HBS1L: variants seen among roughly 807,000 people sequenced by gnomAD.
HBS1L encodes HBS1-like protein.
A neutral mutation model predicts 88.9 loss-of-function variants in HBS1L; 55 were observed. That is an observed-to-expected ratio of 0.62 (90% CI 0.50 to 0.77). HBS1L has a LOEUF of 0.77. Among genes scored for constraint, HBS1L ranks in the 30% least tolerant of loss-of-function variants. The pLI, the probability that HBS1L is intolerant of heterozygous loss-of-function variation, is 0.00. For synonymous variants in HBS1L, 267 were observed against 288.5 expected, an observed-to-expected ratio of 0.93 and a Z score of 0.76; for missense variants, 741 against 829.3, an observed-to-expected ratio of 0.89 and a Z score of 1.31.
At chr6:135,027,211 A>AAAAAAG (rs1562304932) in intron 4 of HBS1L, 4 of 130,404 alleles carry the variant, frequency 3.1e-5, no homozygotes, top group Admixed American at 1.5e-4. Context: ...AAAAAAAAAA[A>AAAAAAG]AAAAAGAAAA....
At chr6:134,987,931 C>T in intron 8 of HBS1L, 140 bp from the exon 9 acceptor site, 2 of 576,192 alleles carry the variant, frequency 3.5e-6, no homozygotes, top group Non-Finnish European at 5.4e-6. Context: ...AAACAAAAGA[C>T]TCCCAAAGAT....
intron 4 of HBS1L, among the ~76,000 whole-genome samples, chr6:135,012,031 G>A (rs1775790450): frequency 1.3e-5 from 2 of 151,636 alleles, no homozygotes; most frequent in South Asian, 4.2e-4. Context: ...AGAGGAAAGG[G>A]GAAAAAAAAA....
chr6:134,997,311 G>A lies in HBS1L; in HGVS notation c.799+86C>T, dbSNP rs982646628. On this transcript the variant is annotated intron_variant, in intron 6 of 17. Coordinates refer to ENST00000367837, the MANE Select transcript of HBS1L (RefSeq NM_006620.4). ...GCTCTCTGTCCATTCCACCCATGGA[G>A]AAACTCAGAGTTTCCATGCTGCCTC... 7.3e-6 allele frequency: 11 copies of A among 1,505,930 alleles called. No individual in the cohort carries two copies. The African/African-American group carries it at 1.2e-4, about 17-fold the overall frequency. 93.3% of individuals were successfully genotyped at this position (1,505,930 alleles called of 1,614,324 possible).
At chr6:135,004,496 T>C (rs1775554518) in intron 4 of HBS1L, among the ~76,000 whole-genome samples, 2 of 134,070 alleles carry the variant, frequency 1.5e-5, no homozygotes, top group Non-Finnish European at 3.3e-5. Context: ...GGAAGCACAG[T>C]TCTTCAGAGG....
intron 4 of HBS1L, among the ~76,000 whole-genome samples, chr6:135,012,416 T>C (rs188989469): frequency 9.2e-5 from 14 of 152,340 alleles, no homozygotes; most frequent in Admixed American, 2.0e-4. Flanking sequence ...AATTCAAACT[T>C]TATATACTTC....
chr6:134,991,834 C>G (rs906969114), intron 8 of HBS1L, among the ~76,000 whole-genome samples: 1 of 152,102 alleles, frequency 6.6e-6, no homozygotes, highest in Non-Finnish European at 1.5e-5. Context: ...CTTTGGGAGG[C>G]TGAGGTGGGG....
intron 15 of HBS1L, among the ~76,000 whole-genome samples, chr6:134,973,548 C>A (rs1450070140): frequency 1.1e-4 from 17 of 152,146 alleles, no homozygotes; most frequent in Non-Finnish European, 2.4e-4. Context: ...GGCGCAGTGG[C>A]TCAATGCCTA....
chr6:135,048,295 T>C (rs1213986115), intron 2 of HBS1L, among the ~76,000 whole-genome samples: 1 of 152,164 alleles, frequency 6.6e-6, no homozygotes, highest in Non-Finnish European at 1.5e-5. Context: ...TTTCCAAAAC[T>C]CCCAGAACCA....
intron 4 of HBS1L, among the ~76,000 whole-genome samples, chr6:135,039,317 C>CA (rs1301090076): frequency 6.6e-6 from 1 of 151,618 alleles, no homozygotes; most frequent in Non-Finnish European, 1.5e-5. Flanking sequence ...GACTCTGTCT[C>CA]AAAAAACAAA....
chr6:135,041,965 A>G (rs767524718), intron 3 of HBS1L, 36 bp downstream of exon 3: 2 of 1,595,474 alleles, frequency 1.3e-6, no homozygotes, highest in African/African-American at 1.3e-5. Flanking sequence ...GTCATTAATC[A>G]CTTTCAGATA....
In HBS1L at chr6:134,997,589, T is replaced by C. The variant is rs771663188; in HGVS notation, c.607A>G (p.Ile203Val). ...GTCTCAAGAACATCGGAAGAAGCAA[T>C]GGCATCTTCAATGGGCGGTCCTTTT... ...PQKGPPIEDA[I>V]ASSDVLETAS... The change falls in exon 6 of 18, where the codon ATT becomes GTT. Residue 203 changes from isoleucine to valine, a missense_variant. Transcript: ENST00000367837. The C allele has an allele frequency of 1.9e-6, 3 of 1,613,968 alleles. No individual in the cohort carries two copies. The highest frequency in any genetic ancestry group is 1.1e-5 in the South Asian group (1 of 91,072).
At chr6:135,037,626 T>C (rs1330947615) in intron 4 of HBS1L, 1 of 1,548,842 alleles carries the variant, frequency 6.5e-7, no homozygotes, top group Admixed American at 2.0e-5. Flanking sequence ...TTTCTTTGAA[T>C]GCAGAATCAT....
intron 4 of HBS1L, among the ~76,000 whole-genome samples, chr6:135,015,256 T>C (rs1424518877): frequency 6.6e-6 from 1 of 152,232 alleles, no homozygotes; most frequent in African/African-American, 2.4e-5. Flanking sequence ...ACCTTCCTCA[T>C]AGAATCCTTA....
At chr6:135,008,240 G>A (rs185442352) in intron 4 of HBS1L, among the ~76,000 whole-genome samples, 167 of 152,256 alleles carry the variant, frequency 1.1e-3, no homozygotes, top group African/African-American at 3.8e-3. Context: ...CTAATCATCC[G>A]TTAGGTACAG....
At chr6:134,991,148 G>A (rs1775126147) in intron 8 of HBS1L, among the ~76,000 whole-genome samples, 1 of 146,668 alleles carries the variant, frequency 6.8e-6, no homozygotes, top group Non-Finnish European at 1.5e-5. Context: ...GAGAAGTACA[G>A]TTTCCCTAAG....
chr6:135,002,239 A>T (rs6569987), intron 5 of HBS1L, among the ~76,000 whole-genome samples: 1 of 152,110 alleles, frequency 6.6e-6, no homozygotes, highest in Non-Finnish European at 1.5e-5. Context: ...GAAATTCTAC[A>T]TATGTTTCAT....
At chr6:134,984,275 C>T (rs1774916648) in intron 12 of HBS1L, among the ~76,000 whole-genome samples, 1 of 152,116 alleles carries the variant, frequency 6.6e-6, no homozygotes, top group African/African-American at 2.4e-5. Flanking sequence ...ATGATTTTTT[C>T]AAAGCACCTT....
chr6:134,991,883 T>C lies in HBS1L; in HGVS notation c.1083+1875A>G, dbSNP rs116398956. ...AGGATTTCAAGACCAGCATGGGCAATACAGTGAGATCCCATCTTTACAAAA... is the reference window on the plus strand; with the variant it reads ...AGGATTTCAAGACCAGCATGGGCAACACAGTGAGATCCCATCTTTACAAAA... On this transcript the variant is annotated intron_variant, in intron 8 of 17. Coordinates refer to ENST00000367837, the MANE Select transcript of HBS1L (RefSeq NM_006620.4). 1.8e-3 allele frequency among the ~76,000 whole-genome samples: 275 copies of C among 152,142 alleles called. 1 individual carries two copies. The highest frequency in any genetic ancestry group is 6.1e-3 in the African/African-American group (252 of 41,522).
At chr6:135,044,810 G>C (rs1763515589) in intron 2 of HBS1L, among the ~76,000 whole-genome samples, 1 of 152,018 alleles carries the variant, frequency 6.6e-6, no homozygotes, top group African/African-American at 2.4e-5. Context: ...AGAAACCTAA[G>C]ACAAATTAAA....
Sources: gnomAD v4.1 joint callset for allele counts (sites outside exome capture counted in the v4.1 genomes callset) on GRCh38, gnomAD v4.1.1 for gene constraint, MANE v1.5 for transcripts, NCBI Gene and HGNC (gene_info 2026-07-23, HGNC 2026-07-21) for gene names.